RAB3C: variants seen among roughly 807,000 people sequenced by gnomAD.
RAB3C encodes the protein RAB3C, member RAS oncogene family.
Under a neutral mutation model 26.4 loss-of-function variants are expected in RAB3C, and 17 were observed. That is an observed-to-expected ratio of 0.64 (90% CI 0.44 to 0.97). The LOEUF (loss-of-function observed/expected upper bound fraction) is 0.97. RAB3C is among the 50% of genes least tolerant of loss of function. RAB3C has a pLI of 0.00. For synonymous variants in RAB3C, 91 were observed against 95.9 expected (o/e 0.95, Z 0.30); for missense variants, 242 against 281.9 (o/e 0.86, Z 1.01).
chr5:58,658,392 T>C (rs989389039), intron 2 of RAB3C, among the ~76,000 whole-genome samples: 3 of 152,136 alleles, frequency 2.0e-5, no homozygotes, highest in Non-Finnish European at 4.4e-5. Flanking sequence ...GTTTTCTAGA[T>C]ATGCAATCAT....
rs559813001 is a variant in RAB3C, at chr5:58,834,017, A to C, written c.496+8855A>C. On this transcript the variant is annotated intron_variant, in intron 4 of 4. Transcript: ENST00000282878. ...CTTCATTCAATGTCTTTTTGATAAC[A>C]CAAGAAATTAGTTCAAAAAAGTAAA... is the stretch of plus-strand genomic sequence containing the variant. Among the ~76,000 whole-genome samples, 5 of 152,318 alleles carry C rather than the reference A, an allele frequency of 3.3e-5. No individual in the cohort carries two copies. The South Asian group carries it at 1.0e-3, about 32-fold the overall frequency.
At chr5:58,850,594 T>C (rs1561152389) in intron 4 of RAB3C, among the ~76,000 whole-genome samples, 1 of 152,326 alleles carries the variant, frequency 6.6e-6, no homozygotes, top group East Asian at 1.9e-4. Context: ...CTGGATTATA[T>C]TGGAGCTTGG....
In RAB3C at chr5:58,598,850, TA is replaced by T. The variant is rs551152940; in HGVS notation, c.24+15620del. ...CCTTTTGCCCTCTGAAGTTAGGTAA[TA>T]AGAGAAAGCATATTCTGTAAAACTA... is the stretch of plus-strand genomic sequence containing the variant. On this transcript the variant is annotated intron_variant, in intron 1 of 4. Transcript: ENST00000282878. 1.1e-4 allele frequency among the ~76,000 whole-genome samples: 17 copies of T among 152,218 alleles called. 2 individuals are homozygous for T. The South Asian group carries it at 3.5e-3, about 32-fold the overall frequency.
At chr5:58,669,032 T>C (rs1378823389) in intron 2 of RAB3C, among the ~76,000 whole-genome samples, 1 of 152,184 alleles carries the variant, frequency 6.6e-6, no homozygotes, top group East Asian at 1.9e-4. Flanking sequence ...ATCTCATGTC[T>C]CTTCTTATAA....
Position 58,730,575 on chromosome 5 carries a change from C to A in RAB3C, c.371+4455C>A, listed in dbSNP as rs142267149. 6.8e-4 allele frequency among the ~76,000 whole-genome samples: 104 copies of A among 152,138 alleles called. 1 individual carries two copies. In the East Asian group the frequency reaches 0.016, roughly 23 times the overall value. On this transcript the variant is annotated intron_variant, in intron 3 of 4. Transcript: ENST00000282878. ...GTATAAAAAATACAGAAAAACATAT[C>A]TAGCAAAAAGAAAAATTAATTAAAG...
In RAB3C at chr5:58,784,396, C is replaced by G. The variant is rs539141505; in HGVS notation, c.372-40642C>G. On this transcript the variant is annotated intron_variant, in intron 3 of 4. Coordinates refer to ENST00000282878, the MANE Select transcript of RAB3C (RefSeq NM_138453.4). ...ACTCCCCTTTGTAAAACCATCAGATCTTGTGAGACATATTCATTATCACAA... is the reference window on the plus strand; with the variant it reads ...ACTCCCCTTTGTAAAACCATCAGATGTTGTGAGACATATTCATTATCACAA... Among the ~76,000 whole-genome samples, 7 of 152,210 alleles carry G rather than the reference C, an allele frequency of 4.6e-5. No individual in the cohort carries two copies. In the East Asian group the frequency reaches 1.4e-3, roughly 29 times the overall value.
At chr5:58,711,234 G>A (rs1749054029) in intron 2 of RAB3C, among the ~76,000 whole-genome samples, 1 of 152,146 alleles carries the variant, frequency 6.6e-6, no homozygotes, top group South Asian at 2.1e-4. Context: ...GGATGAGCAA[G>A]AAACAATGTT....
chr5:58,739,266 A>T (rs893978245), intron 3 of RAB3C, among the ~76,000 whole-genome samples: 9 of 152,244 alleles, frequency 5.9e-5, no homozygotes, highest in Non-Finnish European at 1.2e-4. Context: ...AGCAAGAAAT[A>T]TGCACTCAAT....
rs150724472 is a variant in RAB3C at position 58,616,232 on chromosome 5, C to T, written c.25-1411C>T. On this transcript the variant is annotated intron_variant, in intron 1 of 4. Transcript: ENST00000282878. ...ATTATGCCAATGTTCTGTATTTGCA[C>T]TGTCCAGTATAGTAGCCATTAGTCA... Among the ~76,000 whole-genome samples, 8 of 152,334 alleles carry T rather than the reference C, an allele frequency of 5.3e-5. No homozygotes were observed. In the East Asian group the frequency reaches 1.5e-3, roughly 29 times the overall value.
chr5:58,638,240 A>G (rs941604658), intron 2 of RAB3C, among the ~76,000 whole-genome samples: 1 of 151,734 alleles, frequency 6.6e-6, no homozygotes, highest in Non-Finnish European at 1.5e-5. Context: ...AATTCATTAT[A>G]TTTTCCCTTT....
chr5:58,790,184 C>T (rs1336910931), intron 3 of RAB3C, among the ~76,000 whole-genome samples: 1 of 152,118 alleles, frequency 6.6e-6, no homozygotes, highest in Non-Finnish European at 1.5e-5. Flanking sequence ...TTAAACCTGA[C>T]CCTCATCTTC....
chr5:58,678,924 G>C (rs1579853541), intron 2 of RAB3C, among the ~76,000 whole-genome samples: 1 of 152,190 alleles, frequency 6.6e-6, no homozygotes, highest in East Asian at 1.9e-4. Flanking sequence ...GCTATTACGT[G>C]TCCAAAAAGA....
intron 2 of RAB3C, among the ~76,000 whole-genome samples, chr5:58,700,935 G>A (rs1337054690): frequency 6.6e-6 from 1 of 151,982 alleles, no homozygotes; most frequent in Non-Finnish European, 1.5e-5. Context: ...ATAGTTGAAA[G>A]GAGGTAGCTT....
At chr5:58,683,185 T>A (rs1048537678) in intron 2 of RAB3C, among the ~76,000 whole-genome samples, 9 of 152,230 alleles carry the variant, frequency 5.9e-5, no homozygotes, top group African/African-American at 2.2e-4. Flanking sequence ...TTACACCATG[T>A]ATATCTCTTT....
chr5:58,761,063 TCA>T (rs3060342), intron 3 of RAB3C, among the ~76,000 whole-genome samples: 140 of 144,744 alleles, frequency 9.7e-4, no homozygotes, highest in African/African-American at 2.8e-3. Context: ...TCTCTCTCTC[TCA>T]CACACACACA....
intron 2 of RAB3C, among the ~76,000 whole-genome samples, chr5:58,619,763 T>A (rs1240263209): frequency 1.3e-5 from 2 of 152,148 alleles, no homozygotes; most frequent in Non-Finnish European, 2.9e-5. Context: ...CTATCTTCAA[T>A]GTAAATCAGA....
In RAB3C at chr5:58,583,215, C is replaced by T; in HGVS notation, c.7C>T (p.His3Tyr). ...GAAAGGACATTTGCCAACAATGAGA[C>T]ACGAAGCGCCCATGCAGGTGGGTCC... MR[H>Y]EAPMQMASAQ... The change falls in exon 1 of 5, where the codon CAC becomes TAC. Residue 3 changes from histidine (H) to tyrosine (Y), a missense_variant. His to Tyr is a moderately conservative substitution (Grantham distance 83). Transcript: ENST00000282878. 1 of 1,614,212 alleles carries T rather than the reference C, an allele frequency of 6.2e-7. No homozygotes were observed. Among genetic ancestry groups the T allele is most frequent in the South Asian group, 1.1e-5 (1 of 91,076 alleles).
intron 2 of RAB3C, chr5:58,689,262 T>C (rs1748512324): frequency 6.6e-6 from 1 of 152,096 alleles, no homozygotes; most frequent in Non-Finnish European, 1.5e-5. Context: ...TAATTTAGAT[T>C]TGGTATGGAC....
rs116211829 is a variant in RAB3C, at chr5:58,691,928, G to T, written c.253-34074G>T. 1.1e-3 allele frequency among the ~76,000 whole-genome samples: 167 copies of T among 152,276 alleles called. 1 individual carries two copies. Among genetic ancestry groups the T allele is most frequent in the African/African-American group, 3.7e-3 (155 of 41,564 alleles). On this transcript the variant is annotated intron_variant, in intron 2 of 4. Transcript: ENST00000282878. ...TCTTCCCTTCACAAAATGTGATTGT[G>T]TTCTGAAGATTCATGGACCCAAGCA... is the stretch of plus-strand genomic sequence containing the variant.
Sources: allele counts gnomAD v4.1 joint callset (sites outside exome capture counted in the v4.1 genomes callset), GRCh38; gene constraint gnomAD v4.1.1; transcripts MANE v1.5; gene names NCBI Gene and HGNC (gene_info 2026-07-23, HGNC 2026-07-21).